PSMA1: variants seen among roughly 807,000 people sequenced by gnomAD.
The protein encoded by PSMA1 is proteasome 20S subunit alpha 1.
In PSMA1, 3 loss-of-function variants were observed where a neutral mutation model predicts 38.4. That is an observed-to-expected ratio of 0.08 (90% CI 0.04 to 0.20). The LOEUF (loss-of-function observed/expected upper bound fraction) is 0.20. PSMA1 is among the 10% of genes least tolerant of loss of function. The pLI is 1.00. For synonymous variants in PSMA1, 101 were observed against 107.1 expected, an observed-to-expected ratio of 0.94 and a Z score of 0.35; for missense variants, 227 against 325.3, an observed-to-expected ratio of 0.70 and a Z score of 2.32.
chr11:14,507,776 A>C lies in PSMA1; in HGVS notation c.625-10T>G, dbSNP rs746787778. Reference sequence around the variant, plus strand: ...TTCCAATGGAAACATTCTGAAGGGTAAAATATGGTAAAAGTAAAATAAGAG... The same window carrying C: ...TTCCAATGGAAACATTCTGAAGGGTCAAATATGGTAAAAGTAAAATAAGAG... On this transcript the variant is annotated splice_polypyrimidine_tract_variant and intron_variant, in intron 8 of 9. Transcript: ENST00000396394. 6.7e-7 allele frequency: 1 copy of C among 1,498,998 alleles called. No individual in the cohort carries two copies. Among genetic ancestry groups the C allele is most frequent in the Non-Finnish European group, 9.2e-7 (1 of 1,083,356 alleles). 92.9% of individuals were successfully genotyped at this position (1,498,998 alleles called of 1,614,324 possible).
At chr11:14,631,545 T>A (rs1853011400) in intron 1 of PSMA1, among the ~76,000 whole-genome samples, 1 of 152,212 alleles carries the variant, frequency 6.6e-6, no homozygotes, top group South Asian at 2.1e-4. Flanking sequence ...TTGCTATAAT[T>A]TCTGTTCTTT....
chr11:14,506,459 C>T (rs377420534), intron 9 of PSMA1, among the ~76,000 whole-genome samples: 49 of 152,120 alleles, frequency 3.2e-4, no homozygotes, highest in African/African-American at 1.2e-3. Context: ...AATATCCTTT[C>T]CAAGTTAAAA....
intron 1 of PSMA1, among the ~76,000 whole-genome samples, chr11:14,641,076 T>C (rs530470451): frequency 6.6e-6 from 1 of 151,994 alleles, no homozygotes; most frequent in South Asian, 2.1e-4. Flanking sequence ...GCACCTAATG[T>C]AGATGACGCC....
intron 7 of PSMA1, among the ~76,000 whole-genome samples, chr11:14,512,397 A>C (rs1217428954): frequency 6.6e-6 from 1 of 152,134 alleles, no homozygotes. Context: ...AAAAGAATTA[A>C]ATACCTAAAT....
rs375907584 is a variant in PSMA1, at chr11:14,616,674, C to T, written c.-165-5523G>A. Among the ~76,000 whole-genome samples, 15 of 152,186 alleles carry T rather than the reference C, an allele frequency of 9.9e-5. No individual in the cohort carries two copies. The East Asian group carries it at 1.5e-3, about 16-fold the overall frequency. Reference sequence around the variant, plus strand: ...TGGAGAAGTTATTTTGTAACAGGCACTGTTCTATGTGCTTTAGATATGTTA... The same window carrying T: ...TGGAGAAGTTATTTTGTAACAGGCATTGTTCTATGTGCTTTAGATATGTTA... On this transcript the variant is annotated intron_variant, in intron 1 of 10. Coordinates refer to the PSMA1 transcript ENST00000418988.
rs187326169 is a variant in PSMA1 at position 14,609,053 on chromosome 11, C to T, written c.21+1913G>A. On this transcript the variant is annotated intron_variant, in intron 2 of 10. Coordinates refer to the PSMA1 transcript ENST00000418988. Reference sequence around the variant, plus strand: ...GCAGTTCCTAGAATGGATGCAGTTCCTTCAAGAACTCAGAATTTGTTTTCA... The same window carrying T: ...GCAGTTCCTAGAATGGATGCAGTTCTTTCAAGAACTCAGAATTTGTTTTCA... 2.9e-4 allele frequency among the ~76,000 whole-genome samples: 44 copies of T among 152,286 alleles called. No homozygotes were observed. In the East Asian group the frequency reaches 7.9e-3, roughly 27 times the overall value.
intron 2 of PSMA1, among the ~76,000 whole-genome samples, chr11:14,592,040 C>T (rs1334447264): frequency 6.6e-6 from 1 of 151,736 alleles, no homozygotes; most frequent in Admixed American, 6.6e-5. Context: ...GGAACAACTC[C>T]AGACATGCTG....
intron 2 of PSMA1, among the ~76,000 whole-genome samples, chr11:14,599,437 C>A (rs956389730): frequency 1.3e-5 from 2 of 152,134 alleles, no homozygotes; most frequent in Non-Finnish European, 2.9e-5. Flanking sequence ...TTGTTCATTT[C>A]TTTTTACTCT....
At chr11:14,526,060 T>G (rs1851582875) in intron 2 of PSMA1, among the ~76,000 whole-genome samples, 1 of 152,168 alleles carries the variant, frequency 6.6e-6, no homozygotes, top group Non-Finnish European at 1.5e-5. Context: ...TACCTCAGCA[T>G]AACTCTTCAT....
chr11:14,615,152 T>G (rs1203136365), intron 1 of PSMA1, among the ~76,000 whole-genome samples: 1 of 152,258 alleles, frequency 6.6e-6, no homozygotes, highest in East Asian at 1.9e-4. Flanking sequence ...AAATGTCTTA[T>G]TCACTTCTCT....
chr11:14,563,504 G>A (rs1196319711), intron 2 of PSMA1, among the ~76,000 whole-genome samples: 1 of 152,164 alleles, frequency 6.6e-6, no homozygotes. Context: ...AGAGCTGCCT[G>A]GGCTGCTTTG....
intron 2 of PSMA1, among the ~76,000 whole-genome samples, chr11:14,567,241 A>C (rs1852082835): frequency 6.6e-6 from 1 of 152,172 alleles, no homozygotes; most frequent in South Asian, 2.1e-4. Context: ...TTGGTGCCTC[A>C]AGAGATTGCC....
intron 1 of PSMA1, among the ~76,000 whole-genome samples, chr11:14,629,543 C>G (rs552677471): frequency 4.6e-5 from 7 of 151,934 alleles, no homozygotes; most frequent in Non-Finnish European, 7.4e-5. Context: ...GTTTTGGTAC[C>G]AGTACCATGC....
chr11:14,577,775 C>G (rs1293826737), intron 2 of PSMA1, among the ~76,000 whole-genome samples: 2 of 152,110 alleles, frequency 1.3e-5, no homozygotes, highest in Admixed American at 1.3e-4. Context: ...TGAACCCAGA[C>G]AGTCAGGCTC....
intron 2 of PSMA1, among the ~76,000 whole-genome samples, chr11:14,575,902 C>A (rs187951059): frequency 2.0e-5 from 3 of 152,338 alleles, no homozygotes; most frequent in Admixed American, 6.5e-5. Flanking sequence ...CCTATTTCTC[C>A]ACCTCCTCTC....
intron 2 of PSMA1, among the ~76,000 whole-genome samples, chr11:14,557,160 G>A (rs758286921): frequency 5.9e-5 from 9 of 152,144 alleles, no homozygotes; most frequent in Admixed American, 3.3e-4. Context: ...TCCTGATTCA[G>A]TTGTTGGATC....
In PSMA1 at chr11:14,552,820, C is replaced by A. The variant is rs968209180; in HGVS notation, c.22-33779G>T. On this transcript the variant is annotated intron_variant, in intron 2 of 10. Coordinates refer to the PSMA1 transcript ENST00000418988. ...AAGTTTTATTATAGAGCTTATATAA[C>A]TTTTTTTTTTTTTTTTTTTTTGAGA... Among the ~76,000 whole-genome samples the A allele has an allele frequency of 6.6e-5, 8 of 122,020 alleles. No individual in the cohort carries two copies. In the East Asian group the frequency reaches 1.8e-3, roughly 28 times the overall value. 80.0% of individuals were successfully genotyped at this position (122,020 alleles called of 152,430 possible). A position where few individuals can be genotyped will look rare whatever the true frequency, so the allele number is the denominator to read the frequency against.
At chr11:14,627,498 C>T (rs781777615) in intron 1 of PSMA1, among the ~76,000 whole-genome samples, 7 of 152,158 alleles carry the variant, frequency 4.6e-5, no homozygotes, top group African/African-American at 1.2e-4. Context: ...ACTGTTATAA[C>T]GGAAAGCACA....
chr11:14,601,187 C>G (rs192946599), intron 2 of PSMA1, among the ~76,000 whole-genome samples: 18 of 152,286 alleles, frequency 1.2e-4, no homozygotes, highest in Admixed American at 3.9e-4. Context: ...TCTTGCAACA[C>G]AAATGGGTCA....
Sources: allele counts gnomAD v4.1 joint callset (sites outside exome capture counted in the v4.1 genomes callset), GRCh38; gene constraint gnomAD v4.1.1; transcripts MANE v1.5; gene names NCBI Gene and HGNC (gene_info 2026-07-23, HGNC 2026-07-21).